RAI14: variants seen among roughly 807,000 people sequenced by gnomAD.
RAI14 encodes retinoic acid induced 14, also known as ankycorbin.
RAI14 carries 45 observed loss-of-function variants against 115.4 expected under a neutral mutation model. The observed-to-expected ratio is 0.39, with a 90% CI of 0.31 to 0.50. The LOEUF (loss-of-function observed/expected upper bound fraction) is 0.50, where lower values mean the gene tolerates loss of function less well. Among genes scored for constraint, RAI14 ranks in the 20% least tolerant of loss-of-function variants. The probability of loss-of-function intolerance (pLI) is 0.85; values close to 1 mark genes in which losing one functional copy is unlikely to be tolerated. For synonymous variants in RAI14, 371 were observed against 415.4 expected (o/e 0.89, Z 1.30); for missense variants, 939 against 1,131.2 (o/e 0.83, Z 2.44).
chr5:34,699,611 A>C (rs1398389724), intron 2 of RAI14, among the ~76,000 whole-genome samples: 1 of 152,170 alleles, frequency 6.6e-6, no homozygotes. Flanking sequence ...ATTTCTAAAC[A>C]AGGTTACATT....
At chr5:34,737,601 A>AT (rs57400555) in intron 2 of RAI14, among the ~76,000 whole-genome samples, 3 of 151,192 alleles carry the variant, frequency 2.0e-5, no homozygotes, top group Admixed American at 6.6e-5. Flanking sequence ...AAAAAAAAAA[A>AT]TTTAAAAATT....
chr5:34,779,367 G>A (rs1432056318), intron 3 of RAI14, among the ~76,000 whole-genome samples: 1 of 152,144 alleles, frequency 6.6e-6, no homozygotes, highest in Non-Finnish European at 1.5e-5. Flanking sequence ...TGGAAGTTCT[G>A]GCCAGGGCAA....
chr5:34,730,706 G>A (rs1744069016), intron 2 of RAI14, among the ~76,000 whole-genome samples: 2 of 152,256 alleles, frequency 1.3e-5, no homozygotes, highest in South Asian at 4.1e-4. Context: ...AACAGGGCCA[G>A]GCATGGTGGC....
chr5:34,789,280 T>G (rs1752661968), intron 3 of RAI14, among the ~76,000 whole-genome samples: 1 of 152,228 alleles, frequency 6.6e-6, no homozygotes, highest in South Asian at 2.1e-4. Flanking sequence ...CTACCCACCA[T>G]CATCTACATA....
intron 2 of RAI14, chr5:34,728,482 G>C (rs372458463): frequency 6.6e-6 from 1 of 152,116 alleles, no homozygotes; most frequent in African/African-American, 2.4e-5. Flanking sequence ...ACTGAATCAC[G>C]GGGCGGTTTT....
intron 3 of RAI14, among the ~76,000 whole-genome samples, chr5:34,767,761 G>T (rs932254685): frequency 1.3e-5 from 2 of 151,842 alleles, no homozygotes; most frequent in East Asian, 3.9e-4. Context: ...GGTGGGTTTT[G>T]GTTTCCTACG....
chr5:34,814,795 A>G (rs17522675), intron 12 of RAI14, 126 bp downstream of exon 12: 112,335 of 728,934 alleles, frequency 0.15, 10,325 homozygotes, highest in South Asian at 0.18. Flanking sequence ...CCTTTTCACC[A>G]TGAAGTACCC....
chr5:34,809,787 T>C (rs568862269), intron 7 of RAI14, among the ~76,000 whole-genome samples: 1 of 152,318 alleles, frequency 6.6e-6, no homozygotes, highest in African/African-American at 2.4e-5. Context: ...TAAGTCTAAA[T>C]AGAAATTTTA....
chr5:34,698,972 T>C (rs1739698245), intron 2 of RAI14, among the ~76,000 whole-genome samples: 1 of 151,952 alleles, frequency 6.6e-6, no homozygotes, highest in African/African-American at 2.4e-5. Flanking sequence ...CCAAGGAAAG[T>C]CTCTCCCTTG....
intron 3 of RAI14, among the ~76,000 whole-genome samples, chr5:34,783,156 G>A (rs1213134182): frequency 6.6e-6 from 1 of 152,210 alleles, no homozygotes; most frequent in African/African-American, 2.4e-5. Flanking sequence ...AATACTCAAG[G>A]CAGTGGTGAT....
rs1022465502 is a variant in RAI14 at position 34,744,637 on chromosome 5, C to T, written c.37-12831C>T. Among the ~76,000 whole-genome samples the T allele has an allele frequency of 9.2e-5, 14 of 152,312 alleles. 1 individual carries two copies. The highest frequency in any genetic ancestry group is 3.4e-4 in the African/African-American group (14 of 41,566). ...CAGGGTTTGAATTCCAGGTCTTCCA[C>T]TCTCTGACTTTGTAACTTTAGGCAA... On this transcript the variant is annotated intron_variant, in intron 2 of 17. Transcript: ENST00000265109.
At chr5:34,793,181 G>A (rs983793669) in intron 3 of RAI14, among the ~76,000 whole-genome samples, 6 of 152,292 alleles carry the variant, frequency 3.9e-5, no homozygotes, top group South Asian at 4.2e-4. Context: ...GAAATTGAGC[G>A]CAGCTTCCTA....
intron 2 of RAI14, chr5:34,687,413 G>T (rs1156247575): frequency 4.4e-6 from 2 of 459,196 alleles, no homozygotes; most frequent in Non-Finnish European, 7.0e-6. Context: ...TGGTAAAATG[G>T]TATCTACTGC....
intron 2 of RAI14, among the ~76,000 whole-genome samples, chr5:34,731,691 GA>G (rs796884046): frequency 1.2e-4 from 18 of 151,062 alleles, no homozygotes; most frequent in African/African-American, 3.9e-4. Flanking sequence ...CTCATCTGGG[GA>G]AAAAAAAATA....
At chr5:34,666,898 C>T (rs1422262630) in intron 1 of RAI14, among the ~76,000 whole-genome samples, 1 of 152,152 alleles carries the variant, frequency 6.6e-6, no homozygotes, top group Non-Finnish European at 1.5e-5. Context: ...AATGACAAGC[C>T]CTGCCCTCGG....
intron 2 of RAI14, among the ~76,000 whole-genome samples, chr5:34,717,199 A>G (rs1193566248): frequency 2.0e-5 from 3 of 152,142 alleles, no homozygotes; most frequent in Non-Finnish European, 2.9e-5. Context: ...TTTTAAGACT[A>G]TTTATTTTAA....
intron 2 of RAI14, among the ~76,000 whole-genome samples, chr5:34,754,480 G>C (rs943398596): frequency 3.3e-5 from 5 of 151,928 alleles, no homozygotes; most frequent in African/African-American, 7.3e-5. Flanking sequence ...CTTCTGCTTT[G>C]GCCTCCCCAG....
chr5:34,773,000 C>G (rs1374474909), intron 3 of RAI14, among the ~76,000 whole-genome samples: 1 of 152,044 alleles, frequency 6.6e-6, no homozygotes, highest in African/African-American at 2.4e-5. Context: ...TGCTGAAGGG[C>G]CCCAGCTGAG....
At chr5:34,675,062 A>G (rs1257196000) in intron 1 of RAI14, among the ~76,000 whole-genome samples, 1 of 151,924 alleles carries the variant, frequency 6.6e-6, no homozygotes, top group East Asian at 1.9e-4. Flanking sequence ...ACACCCAGCT[A>G]ATTTTTGTAT....
Sources: allele counts gnomAD v4.1 joint callset (sites outside exome capture counted in the v4.1 genomes callset), GRCh38; gene constraint gnomAD v4.1.1; transcripts MANE v1.5; gene names NCBI Gene and HGNC (gene_info 2026-07-23, HGNC 2026-07-21).